The following NGEF variants were observed in gnomAD, a reference collection of about 807,000 sequenced individuals.
NGEF encodes ephexin-1.
NGEF carries 31 observed loss-of-function variants against 80.9 expected under a neutral mutation model. The observed-to-expected ratio is 0.38, with a 90% CI of 0.29 to 0.52. The LOEUF (loss-of-function observed/expected upper bound fraction) is 0.52, where lower values mean the gene tolerates loss of function less well. NGEF is among the 20% of genes least tolerant of loss of function. NGEF has a pLI of 0.84. For synonymous variants in NGEF, 371 were observed against 370.2 expected (o/e 1.00, Z -0.03); for missense variants, 709 against 926.2 (o/e 0.77, Z 3.04).
chr2:232,883,303 G>A lies in NGEF; in HGVS notation c.1757+8C>T, dbSNP rs1226506136. ...GTAGCACTGGGCGTGTGGCGGCGAG[G>A]CACTCACTGAGAGGACGCCTTTAGC... On this transcript the variant is annotated splice_region_variant and intron_variant, in intron 12 of 14. Coordinates refer to ENST00000264051, the MANE Select transcript of NGEF (RefSeq NM_019850.3). 1.3e-6 allele frequency: 2 copies of A among 1,586,322 alleles called. No homozygotes were observed. The highest frequency in any genetic ancestry group is 1.7e-6 in the Non-Finnish European group (2 of 1,162,430).
At chr2:232,899,705 C>T (rs1353094815) in intron 5 of NGEF, among the ~76,000 whole-genome samples, 1 of 68,874 alleles carries the variant, frequency 1.5e-5, no homozygotes, top group South Asian at 3.7e-4. Context: ...TTCACTCACA[C>T]ACGCTCTCAG....
chr2:232,988,036 C>CGT (rs57143286), intron 1 of NGEF, among the ~76,000 whole-genome samples: 3,012 of 140,116 alleles, frequency 0.021, 46 homozygotes, highest in Non-Finnish European at 0.024. Flanking sequence ...GGGATGGTCT[C>CGT]GTGTGTGTGT....
At chr2:233,011,505 G>A (rs1695202137) in intron 1 of NGEF, among the ~76,000 whole-genome samples, 1 of 151,876 alleles carries the variant, frequency 6.6e-6, no homozygotes, top group Non-Finnish European at 1.5e-5. Flanking sequence ...GAGGCTCTGG[G>A]TGGCCCCACA....
At chr2:232,965,659 G>T (rs1694042848) in intron 3 of NGEF, among the ~76,000 whole-genome samples, 1 of 152,102 alleles carries the variant, frequency 6.6e-6, no homozygotes, top group South Asian at 2.1e-4. Flanking sequence ...ATAACTCAAA[G>T]CCCTCTGAAC....
At chr2:232,982,607 G>A (rs950430365) in intron 1 of NGEF, among the ~76,000 whole-genome samples, 5 of 152,126 alleles carry the variant, frequency 3.3e-5, no homozygotes, top group African/African-American at 9.7e-5. Context: ...TCCACCTCCC[G>A]GGTTCAAGCG....
intron 3 of NGEF, among the ~76,000 whole-genome samples, chr2:232,950,876 G>GA (rs35200250): frequency 2.6e-5 from 4 of 151,882 alleles, no homozygotes; most frequent in African/African-American, 7.3e-5. Flanking sequence ...ACATGCTTCA[G>GA]AAAAAAAACA....
At chr2:232,883,027 C>T (rs752667739) in intron 12 of NGEF, among the ~76,000 whole-genome samples, 20 of 151,752 alleles carry the variant, frequency 1.3e-4, no homozygotes, top group African/African-American at 4.4e-4. Flanking sequence ...AAGAGGGACT[C>T]GCCCAGAGTC....
At chr2:232,955,421 TAAA>T (rs1693801464) in intron 3 of NGEF, among the ~76,000 whole-genome samples, 1 of 152,146 alleles carries the variant, frequency 6.6e-6, no homozygotes, top group Non-Finnish European at 1.5e-5. Flanking sequence ...TCCTTTAGAG[TAAA>T]AAGACCCAGT....
At chr2:232,885,562 G>A (rs185368637) in intron 9 of NGEF, 193 bp from the exon 10 acceptor site, 2 of 584,644 alleles carry the variant, frequency 3.4e-6, no homozygotes, top group Admixed American at 6.1e-5. Context: ...AAGGCAAGTG[G>A]GAAAACCTGT....
At chr2:233,007,213 C>T (rs1695102472) in intron 1 of NGEF, among the ~76,000 whole-genome samples, 1 of 152,156 alleles carries the variant, frequency 6.6e-6, no homozygotes. Flanking sequence ...CACTGCACTC[C>T]AGCCTGAGCA....
intron 1 of NGEF, among the ~76,000 whole-genome samples, chr2:232,983,290 C>G (rs548555171): frequency 6.6e-6 from 1 of 151,984 alleles, no homozygotes; most frequent in Non-Finnish European, 1.5e-5. Context: ...GCCCCTACTA[C>G]GCCGTGGCCA....
At chr2:232,905,616 G>A in intron 5 of NGEF, 1 of 327,716 alleles carries the variant, frequency 3.1e-6, no homozygotes, top group Non-Finnish European at 6.2e-6. Flanking sequence ...TGGAAAGTGA[G>A]GAGCGTCTCT....
intron 3 of NGEF, among the ~76,000 whole-genome samples, chr2:232,953,564 T>C (rs574760636): frequency 7.9e-5 from 12 of 152,108 alleles, no homozygotes; most frequent in African/African-American, 2.9e-4. Flanking sequence ...TATACATTCC[T>C]TTATGAAAAT....
At chr2:233,000,995 T>C (rs1694965591) in intron 1 of NGEF, among the ~76,000 whole-genome samples, 1 of 152,168 alleles carries the variant, frequency 6.6e-6, no homozygotes, top group South Asian at 2.1e-4. Flanking sequence ...GAGGCAGCCA[T>C]CTCACCTTCC....
At chr2:232,881,775 C>T (rs1457668272) in intron 13 of NGEF, among the ~76,000 whole-genome samples, 4 of 152,130 alleles carry the variant, frequency 2.6e-5, no homozygotes, top group Non-Finnish European at 5.9e-5. Flanking sequence ...CGGGGTTTTG[C>T]TATGTTGGCC....
chr2:232,907,008 C>A lies in NGEF; in HGVS notation c.829-12092G>T, dbSNP rs565598291. Among the ~76,000 whole-genome samples the A allele has an allele frequency of 2.4e-3, 364 of 151,440 alleles. 3 individuals carry two copies. Among genetic ancestry groups the A allele is most frequent in the Non-Finnish European group, 3.5e-3 (235 of 67,854 alleles). ...GCATGCTCGTTAAGAGTCATCACCA[C>A]TCCCTAATCTCAAGTACCCAGGGAC... On this transcript the variant is annotated intron_variant, in intron 5 of 14. Coordinates refer to ENST00000264051, the MANE Select transcript of NGEF (RefSeq NM_019850.3).
Position 232,920,313 on chromosome 2 carries a change from G to A in NGEF, c.799C>T (p.Leu267=). 1 of 1,614,046 alleles carries A rather than the reference G, an allele frequency of 6.2e-7. No homozygotes were observed. Residue 267 remains leucine, a synonymous_variant, in exon 5 of 15, where the codon CTA becomes TTA. Transcript: ENST00000264051. The part of the protein sequence containing the change: ...EIRSSGVLEI[L]QPEEIKLQEA... ...TGCAGCTTAATCTCCTCGGGCTGTA[G>A]GATCTCAAGCACCCCGCTGCTCCGG...
At chr2:232,899,679 G>C (rs1692218766) in intron 5 of NGEF, among the ~76,000 whole-genome samples, 1 of 112,442 alleles carries the variant, frequency 8.9e-6, no homozygotes, top group African/African-American at 3.6e-5. Context: ...TGCTCTCACA[G>C]TCACTCATAC....
chr2:232,891,230 T>C (rs1368812138), intron 8 of NGEF, 128 bp downstream of exon 8: 4 of 1,266,028 alleles, frequency 3.2e-6, no homozygotes, highest in Non-Finnish European at 4.5e-6. Context: ...AGGAACGTGC[T>C]TGGCACACAT....
Sources: gnomAD v4.1 joint callset for allele counts (sites outside exome capture counted in the v4.1 genomes callset) on GRCh38, gnomAD v4.1.1 for gene constraint, MANE v1.5 for transcripts, NCBI Gene and HGNC (gene_info 2026-07-23, HGNC 2026-07-21) for gene names.